Variants in UVSSA observed in about 807,000 individuals in gnomAD.
The protein encoded by UVSSA is UV-stimulated scaffold protein A.
A neutral mutation model predicts 73.9 loss-of-function variants in UVSSA; 72 were observed. The observed-to-expected ratio is 0.97, with a 90% confidence interval of 0.81 to 1.19. The LOEUF is 1.19. UVSSA is among the 50% of genes most tolerant of loss of function. UVSSA has a pLI of 0.00. For missense variants in UVSSA, 1,150 were observed against 965.0 expected (o/e 1.19, Z -2.54); for synonymous variants, 454 against 391.3 (o/e 1.16, Z -1.89).
At chr4:1,345,074 A>G, upstream of UVSSA, among the ~76,000 whole-genome samples, 1 of 152,118 alleles carries the variant, frequency 6.6e-6, no homozygotes, top group East Asian at 1.9e-4. Flanking sequence ...GAATCCTGTG[A>G]TCCGACCTTA....
At chr4:1,374,209 G>T (rs1718475702) in intron 8 of UVSSA, among the ~76,000 whole-genome samples, 1 of 152,222 alleles carries the variant, frequency 6.6e-6, no homozygotes, top group South Asian at 2.1e-4. Flanking sequence ...CACAGGGGAG[G>T]ACAGGCTCAA....
At chr4:1,376,741 T>C (rs995990483) in intron 10 of UVSSA, among the ~76,000 whole-genome samples, 1 of 152,206 alleles carries the variant, frequency 6.6e-6, no homozygotes, top group Non-Finnish European at 1.5e-5. Flanking sequence ...AGAGGCCACC[T>C]GGGTACTCCA....
intron 7 of UVSSA, chr4:1,359,533 A>T (rs3796613): frequency 0.6 from 91,472 of 152,136 alleles, 27,954 homozygotes; most frequent in African/African-American, 0.68. Context: ...CATCTTAAGC[A>T]TCGTTCTCTT....
chr4:1,353,422 C>T lies in UVSSA; in HGVS notation c.934+9C>T, dbSNP rs992827173. On this transcript the variant is annotated intron_variant, in intron 5 of 13. Transcript: ENST00000389851. Reference sequence around the variant, plus strand: ...TGTGGAGCTCTGCTCAGGTAACTGCCTTCGCGGGGTCTCTGTGGCGCCACC... The same window carrying T: ...TGTGGAGCTCTGCTCAGGTAACTGCTTTCGCGGGGTCTCTGTGGCGCCACC... The T allele has an allele frequency of 4.0e-6, 6 of 1,484,766 alleles. No homozygotes were observed. Among genetic ancestry groups the T allele is most frequent in the African/African-American group, 1.4e-5 (1 of 71,444 alleles). 92.0% of individuals were successfully genotyped at this position (1,484,766 alleles called of 1,614,324 possible).
In UVSSA at chr4:1,395,159, G is replaced by A. The variant is rs770931098; in HGVS notation, c.*9198G>A. ...CTGCCTGCTCACACGTGCCCATGTGGAGTGTTCGCCTGCTCACACGTGCCG... is the reference window on the plus strand; with the variant it reads ...CTGCCTGCTCACACGTGCCCATGTGAAGTGTTCGCCTGCTCACACGTGCCG... On this transcript the variant is annotated 3_prime_UTR_variant, in exon 14 of 14. Coordinates refer to the UVSSA transcript ENST00000511216. 2.5e-6 allele frequency: 3 copies of A among 1,197,094 alleles called. 1 individual carries two copies. The allele number at this position is 1,197,094 out of a possible 1,614,324, so 74.2% of individuals were successfully genotyped here.
At chr4:1,359,925 G>A (rs1481393238) in intron 7 of UVSSA, among the ~76,000 whole-genome samples, 1 of 152,234 alleles carries the variant, frequency 6.6e-6, no homozygotes, top group African/African-American at 2.4e-5. Flanking sequence ...GTGCGTGAGG[G>A]AAAGTTTTCT....
chr4:1,382,377 C>T (rs367814249), intron 12 of UVSSA, among the ~76,000 whole-genome samples: 1 of 152,234 alleles, frequency 6.6e-6, no homozygotes, highest in African/African-American at 2.4e-5. Flanking sequence ...TTACTAACTA[C>T]GGTATTGATC....
intron 8 of UVSSA, among the ~76,000 whole-genome samples, chr4:1,367,518 A>G (rs922671579): frequency 1.3e-5 from 2 of 152,048 alleles, no homozygotes; most frequent in African/African-American, 4.8e-5. Flanking sequence ...ACGACCTTCC[A>G]TTTGTATGGT....
At chr4:1,394,796 C>G in exon 14 of UVSSA, 4 of 1,566,970 alleles carry the variant, frequency 2.6e-6, no homozygotes, top group Admixed American at 1.7e-5. Context: ...TGGAGTGCCA[C>G]CTGCTCACAC....
chr4:1,376,799 C>T (rs1718828330), intron 10 of UVSSA, among the ~76,000 whole-genome samples: 1 of 152,212 alleles, frequency 6.6e-6, no homozygotes, highest in Non-Finnish European at 1.5e-5. Context: ...AACAGGGCCC[C>T]TGCCGCCGCC....
intron 7 of UVSSA, among the ~76,000 whole-genome samples, chr4:1,362,021 G>T (rs1424790043): frequency 6.6e-6 from 1 of 152,162 alleles, no homozygotes; most frequent in Non-Finnish European, 1.5e-5. Context: ...GGACAGACCT[G>T]CCCCTTCACA....
At chr4:1,392,174 T>C (rs556630467), downstream of UVSSA, 1 of 152,360 alleles carries the variant, frequency 6.6e-6, no homozygotes, top group African/African-American at 2.4e-5. Flanking sequence ...GAACTTAATA[T>C]AATGTACAAA....
At chr4:1,380,597 G>C in intron 11 of UVSSA, 1 of 1,474,492 alleles carries the variant, frequency 6.8e-7, no homozygotes, top group Non-Finnish European at 9.1e-7. Context: ...GCTGGGCATG[G>C]TGCAGGGGGG....
At chr4:1,344,050 T>G (rs559701588), upstream of UVSSA, among the ~76,000 whole-genome samples, 13 of 152,150 alleles carry the variant, frequency 8.5e-5, no homozygotes, top group South Asian at 4.1e-4. Flanking sequence ...CTTTTTTTTT[T>G]GGGTGGAGGG....
downstream of UVSSA, chr4:1,390,724 C>T (rs929690022): frequency 6.6e-6 from 1 of 152,334 alleles, no homozygotes; most frequent in Non-Finnish European, 1.5e-5. Context: ...CTATCCTGCT[C>T]TTGTTGGGTG....
chr4:1,385,820 C>A, intron 13 of UVSSA, 48 bp from the exon 14 acceptor site: 1 of 1,597,840 alleles, frequency 6.3e-7, no homozygotes, highest in Non-Finnish European at 8.6e-7. Context: ...GGAGCCCAGG[C>A]CCCTGGCGGA....
At chr4:1,388,207 A>G (rs1211415547), downstream of UVSSA, 1 of 152,222 alleles carries the variant, frequency 6.6e-6, no homozygotes, top group Non-Finnish European at 1.5e-5. Context: ...GCAATTATAA[A>G]TTATTAAAAG....
intron 2 of UVSSA, 145 bp downstream of exon 2, chr4:1,348,334 C>T: frequency 3.0e-6 from 2 of 657,982 alleles, no homozygotes; most frequent in South Asian, 1.8e-5. Context: ...CAGTACCCGG[C>T]TCTGACGGGT....
intron 7 of UVSSA, among the ~76,000 whole-genome samples, chr4:1,360,041 G>A (rs925467035): frequency 1.7e-4 from 26 of 152,230 alleles, no homozygotes; most frequent in African/African-American, 6.3e-4. Flanking sequence ...GGCAGGGGAG[G>A]AGGGACCTAA....
Sources: allele counts gnomAD v4.1 joint callset (sites outside exome capture counted in the v4.1 genomes callset), GRCh38; gene constraint gnomAD v4.1.1; transcripts MANE v1.5; gene names NCBI Gene and HGNC (gene_info 2026-07-23, HGNC 2026-07-21).